The following OR3A2 variants were observed in gnomAD, a reference collection of about 807,000 sequenced individuals.
The protein encoded by OR3A2 is olfactory receptor family 3 subfamily A member 2.
For synonymous variants in OR3A2, 126 were observed against 159.3 expected, an observed-to-expected ratio of 0.79 and a Z score of 1.57; for missense variants, 318 against 392.8, an observed-to-expected ratio of 0.81 and a Z score of 1.61.
intron 3 of OR3A2, among the ~76,000 whole-genome samples, chr17:3,306,877 T>C (rs1375067284): frequency 5.3e-5 from 8 of 152,126 alleles, no homozygotes; most frequent in African/African-American, 1.7e-4. Context: ...AGAACAAAAA[T>C]TGGGTTTATA....
chr17:3,289,329 T>C (rs1411922258), upstream of OR3A2, among the ~76,000 whole-genome samples: 1 of 152,166 alleles, frequency 6.6e-6, no homozygotes, highest in African/African-American at 2.4e-5. Flanking sequence ...CCAAATGAAA[T>C]GGAATCTCCC....
At chr17:3,285,824 G>A (rs2048805308), upstream of OR3A2, among the ~76,000 whole-genome samples, 1 of 152,150 alleles carries the variant, frequency 6.6e-6, no homozygotes. Context: ...CAGACAAACA[G>A]GAACCATTTA....
Position 3,383,462 on chromosome 17 carries a change from T to A in OR3A2, c.-179+342A>T, listed in dbSNP as rs189777076. On this transcript the variant is annotated intron_variant, in intron 2 of 4. Coordinates refer to the OR3A2 transcript ENST00000573491. ...AAGAGAGGCCTCAATATCCCCATTA[T>A]AGATGAAGAGACTGAAGAGGAAATG... is the stretch of plus-strand genomic sequence containing the variant. Among the ~76,000 whole-genome samples the A allele has an allele frequency of 6.6e-5, 10 of 152,344 alleles. No individual in the cohort carries two copies. In the East Asian group the frequency reaches 1.9e-3, roughly 29 times the overall value.
chr17:3,312,998 T>C (rs1375255238), intron 3 of OR3A2, among the ~76,000 whole-genome samples: 1 of 152,154 alleles, frequency 6.6e-6, no homozygotes, highest in Non-Finnish European at 1.5e-5. Context: ...TACAGATAAT[T>C]AGTAAAGGTG....
intron 2 of OR3A2, among the ~76,000 whole-genome samples, chr17:3,382,377 A>G (rs948650391): frequency 1.3e-5 from 2 of 152,168 alleles, no homozygotes; most frequent in African/African-American, 4.8e-5. Flanking sequence ...CGTTCTCTCT[A>G]TATACAGCTT....
chr17:3,342,287 T>G (rs779051275), intron 2 of OR3A2, among the ~76,000 whole-genome samples: 1 of 152,254 alleles, frequency 6.6e-6, no homozygotes, highest in Non-Finnish European at 1.5e-5. Flanking sequence ...AAAGTCATTC[T>G]CTGTCCAGCT....
intron 3 of OR3A2, among the ~76,000 whole-genome samples, chr17:3,330,191 G>T (rs1418052488): frequency 2.0e-5 from 3 of 151,340 alleles, no homozygotes; most frequent in Non-Finnish European, 2.9e-5. Context: ...ATATTCTGTT[G>T]ATTTGGGGTG....
chr17:3,293,326 T>C (rs1017964080), intron 3 of OR3A2, among the ~76,000 whole-genome samples: 4 of 152,122 alleles, frequency 2.6e-5, no homozygotes, highest in Admixed American at 6.5e-5. Flanking sequence ...ACACAGGCTA[T>C]AGATAAAGCA....
At chr17:3,374,338 T>C (rs374311211) in intron 2 of OR3A2, among the ~76,000 whole-genome samples, 1 of 152,214 alleles carries the variant, frequency 6.6e-6, no homozygotes, top group Non-Finnish European at 1.5e-5. Flanking sequence ...TTTGGTCATC[T>C]AGATGTCTAG....
At chr17:3,351,515 G>A (rs2049419554) in intron 2 of OR3A2, among the ~76,000 whole-genome samples, 1 of 100,720 alleles carries the variant, frequency 9.9e-6, no homozygotes, top group African/African-American at 3.9e-5. Flanking sequence ...ACAAACCACT[G>A]CTCAAGGAAA....
chr17:3,364,916 TAAA>T (rs60677788), intron 2 of OR3A2, among the ~76,000 whole-genome samples: 1 of 148,446 alleles, frequency 6.7e-6, no homozygotes, highest in African/African-American at 2.5e-5. Flanking sequence ...AGCACTAAGG[TAAA>T]AAAAAAAAAG....
chr17:3,378,375 G>A (rs540508291), intron 2 of OR3A2, among the ~76,000 whole-genome samples: 16 of 152,346 alleles, frequency 1.1e-4, no homozygotes, highest in South Asian at 2.1e-4. Flanking sequence ...GCCCAGGCTC[G>A]GCCACAACTT....
chr17:3,341,482 T>C (rs1418781236), intron 2 of OR3A2, among the ~76,000 whole-genome samples: 5 of 152,208 alleles, frequency 3.3e-5, no homozygotes, highest in African/African-American at 1.2e-4. Flanking sequence ...CTCTCAGCAT[T>C]TGCTTGTCTG....
intron 3 of OR3A2, chr17:3,291,580 A>G (rs970923744): frequency 1.1e-5 from 15 of 1,418,970 alleles, no homozygotes; most frequent in South Asian, 7.1e-5. Context: ...TTCTGGCTCT[A>G]GAAGACTTTT....
At chr17:3,334,484 C>G (rs542696156) in intron 3 of OR3A2, among the ~76,000 whole-genome samples, 1 of 152,272 alleles carries the variant, frequency 6.6e-6, no homozygotes, top group South Asian at 2.1e-4. Flanking sequence ...TTTCGTTCTT[C>G]TATATGGCTG....
At chr17:3,300,671 T>C (rs12953256) in intron 3 of OR3A2, among the ~76,000 whole-genome samples, 1 of 151,930 alleles carries the variant, frequency 6.6e-6, no homozygotes, top group African/African-American at 2.4e-5. Context: ...GATGAAAATA[T>C]TGAGCAACAA....
At chr17:3,352,527 A>T (rs897387070) in intron 2 of OR3A2, among the ~76,000 whole-genome samples, 1 of 151,620 alleles carries the variant, frequency 6.6e-6, no homozygotes, top group African/African-American at 2.4e-5. Context: ...TCCCCAGTGT[A>T]TATCTTGCAT....
Position 3,384,155 on chromosome 17 carries a change from T to C in OR3A2, c.-274-256A>G, listed in dbSNP as rs151103897. Among the ~76,000 whole-genome samples the C allele has an allele frequency of 6.1e-3, 923 of 152,264 alleles. 12 individuals are homozygous for C. The highest frequency in any genetic ancestry group is 7.2e-3 in the Non-Finnish European group (492 of 68,016). On this transcript the variant is annotated intron_variant, in intron 1 of 4. Transcript: ENST00000573491. ...AGGATTTCACCAAAGCCTGGAGCTTTCCTGGCAAAGGGTAGGTGTGCTAGA... is the reference window on the plus strand; with the variant it reads ...AGGATTTCACCAAAGCCTGGAGCTTCCCTGGCAAAGGGTAGGTGTGCTAGA...
chr17:3,293,020 G>GT (rs1349442440), intron 3 of OR3A2, among the ~76,000 whole-genome samples: 1 of 152,004 alleles, frequency 6.6e-6, no homozygotes, highest in African/African-American at 2.4e-5. Context: ...AAAGAAACTA[G>GT]TAAGTGTCCA....
Sources: allele counts gnomAD v4.1 joint callset (sites outside exome capture counted in the v4.1 genomes callset), GRCh38; gene constraint gnomAD v4.1.1; transcripts MANE v1.5; gene names NCBI Gene and HGNC (gene_info 2026-07-23, HGNC 2026-07-21).